G3BP1: variants seen among roughly 807,000 people sequenced by gnomAD.
G3BP1 encodes ras GTPase-activating protein-binding protein 1.
In G3BP1, 35 loss-of-function variants were observed where a neutral mutation model predicts 58.6. That is an observed-to-expected ratio of 0.60 (90% CI 0.46 to 0.79). The LOEUF is 0.79. Among genes scored for constraint, G3BP1 ranks in the 30% least tolerant of loss-of-function variants. G3BP1 has a pLI of 0.00. For synonymous variants in G3BP1, 191 were observed against 195.4 expected, an observed-to-expected ratio of 0.98 and a Z score of 0.19; for missense variants, 523 against 580.8, an observed-to-expected ratio of 0.90 and a Z score of 1.02.
At position 151,805,864 on chromosome 5, in the gene G3BP1, A is replaced by T. The variant is rs1360009760; in HGVS notation, c.*1773A>T. ...TAGTCTGAGTCACTTTGGAAAAAAA[A>T]ATTACTTTGTGGTAACTTCAAGGTC... On this transcript the variant is annotated 3_prime_UTR_variant, in exon 12 of 12. Transcript: ENST00000356245. 6.6e-6 allele frequency: 1 copy of T among 152,172 alleles called. No individual in the cohort carries two copies. 9.4% of individuals were successfully genotyped at this position (152,172 alleles called of 1,614,324 possible).
chr5:151,803,856 CT>C, intron 11 of G3BP1, 28 bp from the exon 12 acceptor site: 2 of 1,503,410 alleles, frequency 1.3e-6, no homozygotes, highest in Non-Finnish European at 9.3e-7. Context: ...CATCAGTACT[CT>C]TAAGTCTGGT....
intron 1 of G3BP1, among the ~76,000 whole-genome samples, chr5:151,774,128 C>T (rs1379448944): frequency 2.0e-5 from 3 of 152,140 alleles, no homozygotes; most frequent in African/African-American, 4.8e-5. Context: ...CAAGGCTGCC[C>T]TACATCCCTA....
At chr5:151,799,462 G>A in intron 8 of G3BP1, 149 bp downstream of exon 8, 1 of 618,108 alleles carries the variant, frequency 1.6e-6, no homozygotes, top group Non-Finnish European at 2.9e-6. Flanking sequence ...GAAGCCAGCT[G>A]ATCACTGGAG....
chr5:151,786,844 C>A lies in G3BP1; in HGVS notation c.95+129C>A. On this transcript the variant is annotated intron_variant, in intron 2 of 11. Transcript: ENST00000356245. ...ATAATACTTATTTACATATAAATAT[C>A]CCCCAATTTTTTATTTGAGACAGAG... 4 of 631,560 alleles carry A rather than the reference C, an allele frequency of 6.3e-6. No individual in the cohort carries two copies. In the South Asian group the frequency reaches 7.5e-5, roughly 12 times the overall value. The allele number at this position is 631,560 out of a possible 1,614,324, so 39.1% of individuals were successfully genotyped here.
intron 1 of G3BP1, among the ~76,000 whole-genome samples, chr5:151,773,961 TA>T (rs1424078729): frequency 6.6e-6 from 1 of 152,184 alleles, no homozygotes; most frequent in African/African-American, 2.4e-5. Context: ...CTTAAAATAT[TA>T]AAAAAATACA....
chr5:151,791,251 T>C (rs1360531490), intron 4 of G3BP1, 189 bp downstream of exon 4: 1 of 474,636 alleles, frequency 2.1e-6, no homozygotes, highest in Non-Finnish European at 3.8e-6. Context: ...TATAATTCTT[T>C]CTCTAAAATA....
At chr5:151,783,450 C>T (rs138285710) in intron 1 of G3BP1, among the ~76,000 whole-genome samples, 1 of 151,940 alleles carries the variant, frequency 6.6e-6, no homozygotes, top group African/African-American at 2.4e-5. Context: ...CTCTGTCACC[C>T]AAGGTGGAGT....
intron 1 of G3BP1, among the ~76,000 whole-genome samples, chr5:151,780,879 A>G (rs1288555328): frequency 6.6e-6 from 1 of 152,106 alleles, no homozygotes; most frequent in African/African-American, 2.4e-5. Flanking sequence ...ATTGATGGGG[A>G]GTTTCTTTGA....
In G3BP1 at chr5:151,804,210, A is replaced by G; in HGVS notation, c.*119A>G. 1 of 644,976 alleles carries G rather than the reference A, an allele frequency of 1.6e-6. No individual in the cohort carries two copies. The highest frequency in any genetic ancestry group is 2.5e-5 in the South Asian group (1 of 40,200). The allele number at this position is 644,976 out of a possible 1,614,324, so 40.0% of individuals were successfully genotyped here. ...TCTGTTATAAACTGCTTAAGTTTGT[A>G]TAATTTTACTTTTTTTGTGTGTTAA... On this transcript the variant is annotated 3_prime_UTR_variant, in exon 12 of 12. Coordinates refer to ENST00000356245, the MANE Select transcript of G3BP1 (RefSeq NM_005754.3).
At chr5:151,799,440 C>A (rs1762812730) in intron 8 of G3BP1, 127 bp downstream of exon 8, 1 of 637,856 alleles carries the variant, frequency 1.6e-6, no homozygotes, top group African/African-American at 1.8e-5. Flanking sequence ...AATCCCAGCA[C>A]TTTAGGAGGC....
At chr5:151,791,994 A>G (rs1762666798) in intron 4 of G3BP1, 1 of 416,688 alleles carries the variant, frequency 2.4e-6, no homozygotes, top group Non-Finnish European at 4.8e-6. Context: ...AGGATGGGAG[A>G]TTCTCTATCT....
Position 151,799,967 on chromosome 5 carries a change from A to G in G3BP1, c.922A>G (p.Ile308Val), listed in dbSNP as rs1762822614. 2.5e-6 allele frequency: 4 copies of G among 1,611,806 alleles called. No homozygotes were observed. Among genetic ancestry groups the G allele is most frequent in the South Asian group, 1.1e-5 (1 of 90,998 alleles). Reference protein sequence around the residue: ...QRDQRVREQRINIPPQRGPRP... With the variant: ...QRDQRVREQRVNIPPQRGPRP... The stretch of plus-strand genomic sequence containing the variant: ...GGATCAAAGAGTGCGAGAACAACGA[A>G]TAAATATTCCTCCCCAAAGGGGACC... Residue 308 changes from isoleucine (I) to valine (V), a missense_variant, in exon 9 of 12, where the codon ATA (isoleucine) becomes GTA (valine). This residue lies in a region of G3BP1 where 398 missense variants were observed against 399.1 expected (regional missense o/e 1.00). Coordinates refer to ENST00000356245, the MANE Select transcript of G3BP1 (RefSeq NM_005754.3).
intron 4 of G3BP1, 67 bp downstream of exon 4, chr5:151,791,129 C>A: frequency 7.6e-7 from 1 of 1,312,146 alleles, no homozygotes; most frequent in Non-Finnish European, 1.1e-6. Flanking sequence ...AACTGTTGTG[C>A]ATATCTTTAA....
intron 5 of G3BP1, 63 bp from the exon 6 acceptor site, chr5:151,795,416 A>C (rs942529776): frequency 2.4e-6 from 2 of 825,716 alleles, no homozygotes; most frequent in Non-Finnish European, 4.0e-6. Flanking sequence ...GAACATTGCG[A>C]AAGTTAATGT....
intron 1 of G3BP1, chr5:151,772,521 C>G (rs553851881): frequency 7.2e-5 from 11 of 152,870 alleles, no homozygotes; most frequent in African/African-American, 2.4e-4. Context: ...GCAGAAGCGC[C>G]TTCGGTTTTG....
intron 2 of G3BP1, among the ~76,000 whole-genome samples, chr5:151,788,994 C>T (rs930633818): frequency 3.3e-5 from 5 of 152,070 alleles, no homozygotes; most frequent in Non-Finnish European, 7.4e-5. Flanking sequence ...AGGCTGGTCT[C>T]GAACTTCCGA....
At chr5:151,801,964 G>C (rs780543960) in intron 11 of G3BP1, among the ~76,000 whole-genome samples, 3 of 151,856 alleles carry the variant, frequency 2.0e-5, no homozygotes, top group African/African-American at 7.3e-5. Context: ...ACAGGCACCC[G>C]CCACCATGCC....
At chr5:151,790,857 T>TTTA in intron 3 of G3BP1, 32 bp from the exon 4 acceptor site, 1 of 1,283,374 alleles carries the variant, frequency 7.8e-7, no homozygotes, top group Non-Finnish European at 1.1e-6. Flanking sequence ...GCATTCTCAG[T>TTTA]TGATTATTAT....
chr5:151,786,396 C>T (rs1225717314), intron 1 of G3BP1, among the ~76,000 whole-genome samples, 176 bp from the exon 2 acceptor site: 1 of 152,074 alleles, frequency 6.6e-6, no homozygotes, highest in South Asian at 2.1e-4. Context: ...AATGATTTCC[C>T]CCTTTTGTAT....
Sources: allele counts gnomAD v4.1 joint callset (sites outside exome capture counted in the v4.1 genomes callset), GRCh38; gene constraint gnomAD v4.1.1; regional missense constraint gnomAD v4.1.1; transcripts MANE v1.5; gene names NCBI Gene and HGNC (gene_info 2026-07-23, HGNC 2026-07-21).